The following ZNF699 variants were observed in gnomAD, a reference collection of about 807,000 sequenced individuals.
ZNF699 encodes the protein hangover homolog.
ZNF699 carries 18 observed loss-of-function variants against 22.5 expected under a neutral mutation model. The observed-to-expected ratio is 0.80, with a 90% CI of 0.55 to 1.19. The LOEUF is 1.19. ZNF699 is among the 50% of genes most tolerant of loss of function. The pLI is 0.00. For synonymous variants in ZNF699, 241 were observed against 262.3 expected, an observed-to-expected ratio of 0.92 and a Z score of 0.78; for missense variants, 670 against 763.4, an observed-to-expected ratio of 0.88 and a Z score of 1.44.
In ZNF699 at chr19:9,305,129, A is replaced by G. The variant is rs1334876058; in HGVS notation, c.-5-5T>C. ...TTCTTTCTTCCTCCATGTCGCCTTC[A>G]TGAAGAAAAGCAGGATATTGAGAAG... On this transcript the variant is annotated splice_polypyrimidine_tract_variant and splice_region_variant and intron_variant, in intron 1 of 5. Transcript: ENST00000591998. The G allele has an allele frequency of 1.2e-6, 2 of 1,613,030 alleles. No individual in the cohort carries two copies. The highest frequency in any genetic ancestry group is 1.1e-5 in the South Asian group (1 of 91,060).
chr19:9,295,496 A>G lies in ZNF699; in HGVS notation c.1908T>C (p.Thr636=), dbSNP rs1225627787. The G allele has an allele frequency of 5.6e-6, 9 of 1,611,132 alleles. No homozygotes were observed. Among genetic ancestry groups the G allele is most frequent in the Non-Finnish European group, 7.6e-6 (9 of 1,178,634 alleles). ...CPAYFRRHVK[T]HTRENI ...ACATTTATATGTTTTCTCTAGTGTG[A>G]GTTTTCACATGCCTTCGAAAGTAGG... Residue 636 remains threonine (T), a synonymous_variant, in exon 6 of 6, where the codon ACT becomes ACC. Transcript: ENST00000591998.
chr19:9,292,652 A>C lies in ZNF699; in HGVS notation c.*2823T>G, dbSNP rs1263170667. Among the ~76,000 whole-genome samples the C allele has an allele frequency of 6.6e-6, 1 of 152,156 alleles. No homozygotes were observed. The highest frequency in any genetic ancestry group is 2.4e-5 in the African/African-American group (1 of 41,430). Reference sequence around the variant, plus strand: ...CAAATTCCCTTTAAAGAGTGAAAAGACAAGACAGAGATTGGGAAATGTTAT... The same window carrying C: ...CAAATTCCCTTTAAAGAGTGAAAAGCCAAGACAGAGATTGGGAAATGTTAT... On this transcript the variant is annotated 3_prime_UTR_variant, in exon 6 of 6. Transcript: ENST00000591998.
In ZNF699 at chr19:9,297,240, T is replaced by A. The variant is rs2066290345; in HGVS notation, c.470+56A>T. 2 of 1,492,088 alleles carry A rather than the reference T, an allele frequency of 1.3e-6. No homozygotes were observed. The highest frequency in any genetic ancestry group is 2.6e-5 in the South Asian group (2 of 77,638). The allele number at this position is 1,492,088 out of a possible 1,614,324, so 92.4% of individuals were successfully genotyped here. A position where few individuals can be genotyped will look rare whatever the true frequency, so the allele number is the denominator to read the frequency against. Reference sequence around the variant, plus strand: ...ATACATATTTCTTAAATTTCATGACTTTAATTTTAAGATTCTCTCCTGAGG... The same window carrying A: ...ATACATATTTCTTAAATTTCATGACATTAATTTTAAGATTCTCTCCTGAGG... On this transcript the variant is annotated intron_variant, in intron 5 of 5. Coordinates refer to ENST00000591998, the MANE Select transcript of ZNF699 (RefSeq NM_198535.3). This position sits in a 1 kb window ranked among gnomAD's most constrained non-coding sequence, Gnocchi z 4.3.
At chr19:9,301,022 A>C (rs1026100194) in intron 3 of ZNF699, among the ~76,000 whole-genome samples, 1 of 152,134 alleles carries the variant, frequency 6.6e-6, no homozygotes, top group African/African-American at 2.4e-5. Flanking sequence ...TTGTTATTAG[A>C]GGAGGCTATG....
Position 9,293,803 on chromosome 19 carries a change from G to C in ZNF699, c.*1672C>G, listed in dbSNP as rs1482473016. On this transcript the variant is annotated 3_prime_UTR_variant, in exon 6 of 6. Transcript: ENST00000591998. Reference sequence around the variant, plus strand: ...AATAAAAAGTGATTATGGGGAAATAGTAGAGTTATACTTTTAAAGAGAAAA... The same window carrying C: ...AATAAAAAGTGATTATGGGGAAATACTAGAGTTATACTTTTAAAGAGAAAA... 2.0e-5 allele frequency among the ~76,000 whole-genome samples: 3 copies of C among 151,928 alleles called. No individual in the cohort carries two copies. Among genetic ancestry groups the C allele is most frequent in the Non-Finnish European group, 2.9e-5 (2 of 68,000 alleles).
Position 9,293,152 on chromosome 19 carries a change from A to G in ZNF699, c.*2323T>C, listed in dbSNP as rs914883891. 1.8e-4 allele frequency among the ~76,000 whole-genome samples: 27 copies of G among 151,624 alleles called. No individual in the cohort carries two copies. The East Asian group carries it at 2.9e-3, about 16-fold the overall frequency. ...TCAAAAAAAAAAAAAAAGAAAAGAA[A>G]TCATAAATGGATGAAATGTTTCAAC... On this transcript the variant is annotated 3_prime_UTR_variant, in exon 6 of 6. Coordinates refer to ENST00000591998, the MANE Select transcript of ZNF699 (RefSeq NM_198535.3).
chr19:9,296,171 T>G lies in ZNF699; in HGVS notation c.1233A>C (p.Arg411Ser). Reference protein sequence around the residue: ...NCPSSLSIHMRKHTGEKPYEC... With the variant: ...NCPSSLSIHMSKHTGEKPYEC... ...CATACGGTTTTTCTCCAGTGTGTTT[T>G]CTCATATGGATACTTAAGGAGGAGG... Residue 411 changes from arginine (R) to serine (S), a missense_variant, in exon 6 of 6, where the codon AGA becomes AGC. Coordinates refer to ENST00000591998, the MANE Select transcript of ZNF699 (RefSeq NM_198535.3). The G allele has an allele frequency of 6.2e-7, 1 of 1,614,042 alleles. No individual in the cohort carries two copies. Among genetic ancestry groups the G allele is most frequent in the Non-Finnish European group, 8.5e-7 (1 of 1,179,986 alleles).
rs2066279132 is a variant in ZNF699, at chr19:9,294,970, ATAT to A, written c.*502_*504del. 1 of 153,380 alleles carries A rather than the reference ATAT, an allele frequency of 6.5e-6. No homozygotes were observed. The highest frequency in any genetic ancestry group is 1.5e-5 in the Non-Finnish European group (1 of 68,884). The allele number at this position is 153,380 out of a possible 1,614,324, so 9.5% of individuals were successfully genotyped here. On this transcript the variant is annotated 3_prime_UTR_variant, in exon 6 of 6. Coordinates refer to ENST00000591998, the MANE Select transcript of ZNF699 (RefSeq NM_198535.3). ...TTGTCAATATTATATTGGTTTGTCA[ATAT>A]TATAACGACTACCCATTTAAAGAAC... is the stretch of plus-strand genomic sequence containing the variant.
rs201247003 is a variant in ZNF699, at chr19:9,298,016, G to A, written c.176-26C>T. 3.7e-4 allele frequency: 541 copies of A among 1,451,670 alleles called. No homozygotes were observed. The African/African-American group carries it at 6.2e-3, about 17-fold the overall frequency. The allele number at this position is 1,451,670 out of a possible 1,614,324, so 89.9% of individuals were successfully genotyped here. On this transcript the variant is annotated intron_variant, in intron 3 of 5. Coordinates refer to ENST00000591998, the MANE Select transcript of ZNF699 (RefSeq NM_198535.3). ...CTGCACAAGCAGAAAGGCATATCAC[G>A]AGGGAAAATAATGAAGAATCACTAA...
rs149143936 is a variant in ZNF699, at chr19:9,308,912, T to C, written c.-6+438A>G. Reference sequence around the variant, plus strand: ...TCTATAGACAAATGATTCAAATGCATCATTAATGACAAAATGCATCAGTTC... The same window carrying C: ...TCTATAGACAAATGATTCAAATGCACCATTAATGACAAAATGCATCAGTTC... On this transcript the variant is annotated intron_variant, in intron 1 of 5. Coordinates refer to ENST00000591998, the MANE Select transcript of ZNF699 (RefSeq NM_198535.3). 2.0e-4 allele frequency among the ~76,000 whole-genome samples: 31 copies of C among 152,322 alleles called. 1 individual carries two copies. Among genetic ancestry groups the C allele is most frequent in the African/African-American group, 7.2e-4 (30 of 41,588 alleles).
intron 2 of ZNF699, 37 bp from the exon 3 acceptor site, chr19:9,302,541 A>G (rs773866174): frequency 3.9e-5 from 62 of 1,570,808 alleles, no homozygotes; most frequent in Non-Finnish European, 4.8e-5. Context: ...GAAAGGTACA[A>G]TTCCTCCAAT....
rs560370328 is a variant in ZNF699 at position 9,292,493 on chromosome 19, C to G, written c.*2982G>C. Among the ~76,000 whole-genome samples the G allele has an allele frequency of 6.6e-6, 1 of 152,144 alleles. No individual in the cohort carries two copies. Among genetic ancestry groups the G allele is most frequent in the Non-Finnish European group, 1.5e-5 (1 of 68,030 alleles). On this transcript the variant is annotated 3_prime_UTR_variant, in exon 6 of 6. Transcript: ENST00000591998. ...AGAGACAACCTGCTTGGAAGAAACA[C>G]TAATGCAGGAGGATGCACAGCCAAG...
rs1485799052 is a variant in ZNF699, at chr19:9,291,919, C to T, written c.*3556G>A. 1.3e-5 allele frequency among the ~76,000 whole-genome samples: 2 copies of T among 152,062 alleles called. No homozygotes were observed. The highest frequency in any genetic ancestry group is 1.3e-4 in the Admixed American group (2 of 15,262). ...GTTTCACCATGTTGGCCAGGCTGGTCTTAAACTCCTGACCTCAGGTGATCC... is the reference window on the plus strand; with the variant it reads ...GTTTCACCATGTTGGCCAGGCTGGTTTTAAACTCCTGACCTCAGGTGATCC... On this transcript the variant is annotated 3_prime_UTR_variant, in exon 6 of 6. Transcript: ENST00000591998.
chr19:9,308,008 G>A (rs1350268290), intron 1 of ZNF699, among the ~76,000 whole-genome samples: 2 of 149,518 alleles, frequency 1.3e-5, no homozygotes, highest in African/African-American at 2.5e-5. Flanking sequence ...GTTGAATAAA[G>A]ACCAGCATAA....
chr19:9,295,119 C>T lies in ZNF699; in HGVS notation c.*356G>A, dbSNP rs1182908160. The T allele has an allele frequency of 4.7e-6, 1 of 212,516 alleles. No individual in the cohort carries two copies. The highest frequency in any genetic ancestry group is 1.1e-4 in the East Asian group (1 of 9,076). The allele number at this position is 212,516 out of a possible 1,614,324, so 13.2% of individuals were successfully genotyped here. ...AATGGAAATCATATTTACATCAGAA[C>T]CAAAATTAAAGCACCTCATACTAAA... On this transcript the variant is annotated 3_prime_UTR_variant, in exon 6 of 6. Transcript: ENST00000591998.
In ZNF699 at chr19:9,302,457, T is replaced by A; in HGVS notation, c.96A>T (p.Glu32Asp). Residue 32 changes from glutamate to aspartate, a missense_variant, in exon 3 of 6, where the codon GAA becomes GAT. Glu to Asp is a conservative substitution (Grantham distance 45). Coordinates refer to ENST00000591998, the MANE Select transcript of ZNF699 (RefSeq NM_198535.3). ...EDVAVDFTQE[E>D]WALLDLAQRN... ...TCTGAGCAAGATCCAGCAAAGCCCA[T>A]TCCTCCTGGGTAAAGTCCACAGCCA... 1 of 1,613,940 alleles carries A rather than the reference T, an allele frequency of 6.2e-7. No homozygotes were observed. Among genetic ancestry groups the A allele is most frequent in the Non-Finnish European group, 8.5e-7 (1 of 1,179,874 alleles).
Position 9,292,562 on chromosome 19 carries a change from G to A in ZNF699, c.*2913C>T, listed in dbSNP as rs547697472. On this transcript the variant is annotated 3_prime_UTR_variant, in exon 6 of 6. Coordinates refer to ENST00000591998, the MANE Select transcript of ZNF699 (RefSeq NM_198535.3). ...ACTAGATAACATTTTTTTAGCCCCA[G>A]GATTTAGCCATGTCTGAAGCTCGTT... Among the ~76,000 whole-genome samples the A allele has an allele frequency of 6.6e-5, 10 of 152,182 alleles. No homozygotes were observed. In the South Asian group the frequency reaches 1.9e-3, roughly 28 times the overall value.
chr19:9,297,874 T>A lies in ZNF699; in HGVS notation c.286+6A>T, dbSNP rs531034821. 6.2e-7 allele frequency: 1 copy of A among 1,607,108 alleles called. No homozygotes were observed. The highest frequency in any genetic ancestry group is 2.2e-5 in the East Asian group (1 of 44,782). Reference sequence around the variant, plus strand: ...AACCAAAACAGTTTCTCCCAAGGGTTCTTGCCTTCCCGGTGCTCTCCCATA... The same window carrying A: ...AACCAAAACAGTTTCTCCCAAGGGTACTTGCCTTCCCGGTGCTCTCCCATA... On this transcript the variant is annotated splice_donor_region_variant and intron_variant, in intron 4 of 5. Coordinates refer to ENST00000591998, the MANE Select transcript of ZNF699 (RefSeq NM_198535.3). The surrounding 1 kb of genome is among the most constrained non-coding windows in gnomAD (Gnocchi z 4.3).
In ZNF699 at chr19:9,297,989, C is replaced by A; in HGVS notation, c.177G>T (p.Gly59=). ...LENFQNLASL[G]YPLHTPHLIS... Reference sequence around the variant, plus strand: ...TCAGATGGGGTGTGTGTAGCGGATACCCTGCACAAGCAGAAAGGCATATCA... The same window carrying A: ...TCAGATGGGGTGTGTGTAGCGGATAACCTGCACAAGCAGAAAGGCATATCA... Residue 59 remains glycine (G), a splice_region_variant and synonymous_variant, in exon 4 of 6, where the codon GGG becomes GGT. Coordinates refer to ENST00000591998, the MANE Select transcript of ZNF699 (RefSeq NM_198535.3). This position sits in a 1 kb window ranked among gnomAD's most constrained non-coding sequence, Gnocchi z 4.3. 1 of 1,599,400 alleles carries A rather than the reference C, an allele frequency of 6.3e-7. No individual in the cohort carries two copies. Among genetic ancestry groups the A allele is most frequent in the Non-Finnish European group, 8.6e-7 (1 of 1,168,320 alleles).
Sources: gnomAD v4.1 joint callset for allele counts (sites outside exome capture counted in the v4.1 genomes callset) on GRCh38, gnomAD v4.1.1 for gene constraint, Gnocchi (gnomAD v3.1) non-coding constraint, MANE v1.5 for transcripts, NCBI Gene and HGNC (gene_info 2026-07-23, HGNC 2026-07-21) for gene names.